Variants in MYO1C observed in about 807,000 individuals in gnomAD.
The protein encoded by MYO1C is unconventional myosin-Ic.
A neutral mutation model predicts 150.8 loss-of-function variants in MYO1C; 104 were observed. That is an observed-to-expected ratio of 0.69 (90% CI 0.59 to 0.81). The LOEUF (loss-of-function observed/expected upper bound fraction) is 0.81, where lower values mean the gene tolerates loss of function less well. MYO1C is among the 30% of genes least tolerant of loss of function. The pLI, the probability that MYO1C is intolerant of heterozygous loss-of-function variation, is 0.00. For synonymous variants in MYO1C, 663 were observed against 579.9 expected (o/e 1.14, Z -2.06); for missense variants, 1,504 against 1,435.0 (o/e 1.05, Z -0.78).
At position 1,478,087 on chromosome 17, in the gene MYO1C, C is replaced by A. The variant is rs757223275; in HGVS notation, c.1401G>T (p.Ala467=). The part of the protein sequence containing the change: ...EQEEYEAEGI[A]WEPVQYFNNK... ...AGAGTGCCCCCAGGCTAGCACACAC[C>A]GCGATGCCCTCTGCCTCGTACTCCT... Residue 467 remains alanine, a splice_region_variant and synonymous_variant, in exon 12 of 32, where the codon GCG becomes GCT. Coordinates refer to ENST00000648651, the MANE Select transcript of MYO1C (RefSeq NM_001080779.2). The surrounding 1 kb of genome is among the most constrained non-coding windows in gnomAD (Gnocchi z 6.3). 4 of 1,614,010 alleles carry A rather than the reference C, an allele frequency of 2.5e-6. No individual in the cohort carries two copies. The South Asian group carries it at 4.4e-5, about 18-fold the overall frequency.
chr17:1,488,204 A>G (rs2074689778), intron 1 of MYO1C, among the ~76,000 whole-genome samples: 1 of 152,100 alleles, frequency 6.6e-6, no homozygotes, highest in East Asian at 1.9e-4. Context: ...CCGCGCGCGG[A>G]GGGGTCGGGC....
rs2074509441 is a variant in MYO1C, at chr17:1,481,025, CA to C, written c.628-141del. The stretch of plus-strand genomic sequence containing the variant: ...AGCCCTGCCACTAGCTGCGTCGGCT[CA>C]GGCACGCCACCCACGCTGGACTCAG... On this transcript the variant is annotated intron_variant, in intron 5 of 31. Coordinates refer to ENST00000648651, the MANE Select transcript of MYO1C (RefSeq NM_001080779.2). 4 of 838,042 alleles carry C rather than the reference CA, an allele frequency of 4.8e-6. No individual in the cohort carries two copies. The South Asian group carries it at 6.5e-5, about 14-fold the overall frequency. 51.9% of individuals were successfully genotyped at this position (838,042 alleles called of 1,614,324 possible).
intron 2 of MYO1C, 145 bp from the exon 3 acceptor site, chr17:1,483,870 C>G: frequency 1.4e-6 from 1 of 732,178 alleles, no homozygotes; most frequent in Middle Eastern, 3.4e-4. Context: ...ATGGAGAAAT[C>G]CGTCTCTACT....
rs752730272 is a variant in MYO1C, at chr17:1,471,313, G to A, written c.2045C>T (p.Thr682Met). The change falls in exon 20 of 32, where the codon ACG becomes ATG. Residue 682 changes from threonine to methionine, a missense_variant. By Grantham distance (81) the Thr-to-Met change is moderately conservative. Transcript: ENST00000648651. ...CGGCCGTCCTGCCCACGTGGGCCAC[G>A]TCTCTGGGCACAGTGACTTGTACCT... ...LQRYKSLCPE[T>M]WPTWAGRPQD... The A allele has an allele frequency of 6.2e-5, 100 of 1,613,770 alleles. 1 individual carries two copies. In the South Asian group the frequency reaches 9.8e-4, roughly 16 times the overall value.
chr17:1,484,375 G>C, intron 1 of MYO1C, 72 bp from the exon 2 acceptor site: 2 of 1,562,350 alleles, frequency 1.3e-6, no homozygotes, highest in Non-Finnish European at 1.7e-6. Context: ...CTGCGCCTGT[G>C]GGACTGAGAG....
Position 1,480,596 on chromosome 17 carries a change from G to A in MYO1C, c.837C>T (p.Asn279=), listed in dbSNP as rs149215378. The change falls in exon 7 of 32, where the codon AAC becomes AAT. Residue 279 remains asparagine, a synonymous_variant. Coordinates refer to ENST00000648651, the MANE Select transcript of MYO1C (RefSeq NM_001080779.2). ...TGACGACCTTCCAGTCACTCTTGTC[G>A]TTGATGGAGGAGACTTTGGCACACT... The part of the protein sequence containing the change: ...KGQCAKVSSI[N]DKSDWKVVRK... 104 of 1,614,122 alleles carry A rather than the reference G, an allele frequency of 6.4e-5. No homozygotes were observed. The highest frequency in any genetic ancestry group is 3.6e-4 in the East Asian group (16 of 44,886).
intron 21 of MYO1C, 86 bp from the exon 22 acceptor site, chr17:1,470,775 A>C (rs1440484811): frequency 5.0e-6 from 7 of 1,386,446 alleles, no homozygotes; most frequent in Non-Finnish European, 7.0e-6. Flanking sequence ...GAGTGGCATG[A>C]ATGGGAGAGT....
At chr17:1,472,634 G>A (rs2074327953) in intron 17 of MYO1C, among the ~76,000 whole-genome samples, 1 of 152,248 alleles carries the variant, frequency 6.6e-6, no homozygotes, top group African/African-American at 2.4e-5. Flanking sequence ...GCCTGGCGGA[G>A]GAGCACGCTC....
In MYO1C at chr17:1,477,905, T is replaced by C; in HGVS notation, c.1468A>G (p.Ile490Val). 2 of 1,614,138 alleles carry C rather than the reference T, an allele frequency of 1.2e-6. No individual in the cohort carries two copies. Among genetic ancestry groups the C allele is most frequent in the Non-Finnish European group, 1.7e-6 (2 of 1,179,994 alleles). ...AGAGGACTCACCAAAATCGAGATGA[T>C]GCCCTTAAACTTCTCCTCCACCAGA... ...CDLVEEKFKGIISILDEECLR... is the reference protein window; with the variant it reads ...CDLVEEKFKGVISILDEECLR... Residue 490 changes from isoleucine (I) to valine (V), a missense_variant, in exon 13 of 32, where the codon ATC (isoleucine) becomes GTC (valine). Transcript: ENST00000648651.
intron 25 of MYO1C, 98 bp from the exon 26 acceptor site, chr17:1,468,594 G>T (rs1437607997): frequency 7.3e-6 from 7 of 954,412 alleles, no homozygotes; most frequent in Non-Finnish European, 1.2e-5. Flanking sequence ...TCCCTCACCC[G>T]CTTGCTGGTC....
rs139792172 is a variant in MYO1C, at chr17:1,470,196, C to G, written c.2505G>C (p.Thr835=). Residue 835 remains threonine, a synonymous_variant, in exon 24 of 32, where the codon ACG becomes ACC. Coordinates refer to ENST00000648651, the MANE Select transcript of MYO1C (RefSeq NM_001080779.2). The stretch of plus-strand genomic sequence containing the variant: ...AGACCTCACGCAGGGCAGGTGGGGG[C>G]GTGGGCCACGAGGTGTCCAGGACAT... ...PQNVLDTSWP[T]PPPALREASE... 1 of 1,610,576 alleles carries G rather than the reference C, an allele frequency of 6.2e-7. No homozygotes were observed. The highest frequency in any genetic ancestry group is 8.5e-7 in the Non-Finnish European group (1 of 1,179,122).
At chr17:1,480,378 G>A (rs2150955746) in intron 7 of MYO1C, 149 bp downstream of exon 7, 7 of 712,296 alleles carry the variant, frequency 9.8e-6, no homozygotes, top group South Asian at 8.8e-5. Flanking sequence ...AACCCAGGAG[G>A]CGGAGGTTGC....
At chr17:1,471,437 C>T (rs892068184) in intron 19 of MYO1C, 101 bp from the exon 20 acceptor site, 77 of 913,382 alleles carry the variant, frequency 8.4e-5, no homozygotes, top group Non-Finnish European at 1.2e-4. Context: ...CCCACTGACT[C>T]GTTCACAGCT....
intron 5 of MYO1C, among the ~76,000 whole-genome samples, chr17:1,481,559 A>G (rs1338488307): frequency 2.0e-5 from 3 of 151,962 alleles, no homozygotes; most frequent in Non-Finnish European, 4.4e-5. Flanking sequence ...GGAGTGCAGT[A>G]GTGCAATCAC....
Position 1,468,325 on chromosome 17 carries a change from G to C in MYO1C, c.2705-17C>G. 2 of 1,614,056 alleles carry C rather than the reference G, an allele frequency of 1.2e-6. No homozygotes were observed. On this transcript the variant is annotated splice_polypyrimidine_tract_variant and intron_variant, in intron 26 of 31. Coordinates refer to ENST00000648651, the MANE Select transcript of MYO1C (RefSeq NM_001080779.2). ...CATCTGTACCTGCAACTCAGATGGC[G>C]GGGAGGGAAGTCAGTGGAGGCAATG...
chr17:1,479,457 T>A lies in MYO1C; in HGVS notation c.1066A>T (p.Arg356Trp). The A allele has an allele frequency of 6.6e-7, 1 of 1,507,126 alleles. No homozygotes were observed. Among genetic ancestry groups the A allele is most frequent in the Non-Finnish European group, 9.0e-7 (1 of 1,109,026 alleles). 93.4% of individuals were successfully genotyped at this position (1,507,126 alleles called of 1,614,324 possible). A position where few individuals can be genotyped will look rare whatever the true frequency, so the allele number is the denominator to read the frequency against. The change falls in exon 9 of 32, where the codon AGG becomes TGG. Residue 356 changes from arginine to tryptophan, a missense_variant. Arg to Trp is a moderately radical substitution (Grantham distance 101). Transcript: ENST00000648651. The surrounding 1 kb of genome is among the most constrained non-coding windows in gnomAD (Gnocchi z 4.2). Reference sequence around the variant, plus strand: ...TCCTCCCCCTTGGCGATGATCTTCCTGTGTGTCAGGGCTTCTCGCAGCGTC... The same window carrying A: ...TCCTCCCCCTTGGCGATGATCTTCCAGTGTGTCAGGGCTTCTCGCAGCGTC... ...GSTLREALTH[R>W]KIIAKGEELL...
Position 1,470,538 on chromosome 17 carries a change from A to G in MYO1C, c.2282-19T>C. On this transcript the variant is annotated intron_variant, in intron 22 of 31. Coordinates refer to ENST00000648651, the MANE Select transcript of MYO1C (RefSeq NM_001080779.2). ...CAGATGGCTGTCGTGGAGACCACAG[A>G]TGGCTGAACTCTATCTTCTTACCAT... is the stretch of plus-strand genomic sequence containing the variant. The G allele has an allele frequency of 6.4e-6, 10 of 1,557,442 alleles. No individual in the cohort carries two copies. The highest frequency in any genetic ancestry group is 1.2e-5 in the South Asian group (1 of 84,954).
rs2074255794 is a variant in MYO1C, at chr17:1,469,554, T to C, written c.2587A>G (p.Ile863Val). 1.2e-6 allele frequency: 2 copies of C among 1,612,944 alleles called. No homozygotes were observed. The highest frequency in any genetic ancestry group is 1.1e-5 in the South Asian group (1 of 90,910). Residue 863 changes from isoleucine (I) to valine (V), a missense_variant, in exon 25 of 32, where the codon ATC becomes GTC. By Grantham distance (29) the Ile-to-Val change is conservative. Transcript: ENST00000648651. The part of the protein sequence containing the change: ...KNMVWKYCRS[I>V]SPEWKQQLQQ... ...ACCTGCTGCTTCCACTCAGGGCTGA[T>C]ACTCCGGCAGTATTTCCACACCATG...
intron 2 of MYO1C, 38 bp from the exon 3 acceptor site, chr17:1,483,763 G>C (rs1398767814): frequency 6.6e-7 from 1 of 1,508,180 alleles, no homozygotes; most frequent in Non-Finnish European, 9.1e-7. Flanking sequence ...TTTATCCCGG[G>C]CCAGGTGCGA....
Sources: allele counts gnomAD v4.1 joint callset (sites outside exome capture counted in the v4.1 genomes callset), GRCh38; gene constraint gnomAD v4.1.1; non-coding constraint Gnocchi (gnomAD v3.1); transcripts MANE v1.5; gene names NCBI Gene and HGNC (gene_info 2026-07-23, HGNC 2026-07-21).